C9: variants seen among roughly 807,000 people sequenced by gnomAD.
The protein encoded by C9 is complement C9.
C9 carries 63 observed loss-of-function variants against 65.4 expected under a neutral mutation model. The observed-to-expected ratio is 0.96, with a 90% confidence interval of 0.79 to 1.19. The LOEUF is 1.19. Among genes scored for constraint, C9 ranks in the 50% most tolerant of loss-of-function variants. The pLI is 0.00. For synonymous variants in C9, 229 were observed against 227.9 expected, an observed-to-expected ratio of 1.00 and a Z score of -0.04; for missense variants, 744 against 670.1, an observed-to-expected ratio of 1.11 and a Z score of -1.22.
intron 9 of C9, among the ~76,000 whole-genome samples, chr5:39,291,442 G>C (rs568623045): frequency 5.9e-5 from 9 of 151,908 alleles, no homozygotes; most frequent in Middle Eastern, 3.4e-3. Context: ...GATAGTGTGG[G>C]AAGGGAAAAG....
chr5:39,338,126 C>T (rs1448678091), intron 4 of C9, among the ~76,000 whole-genome samples: 2 of 152,060 alleles, frequency 1.3e-5, no homozygotes, highest in Non-Finnish European at 2.9e-5. Context: ...TGTTTTGAAA[C>T]CTCTTCCTAA....
At chr5:39,295,624 CT>C (rs1753172249) in intron 9 of C9, among the ~76,000 whole-genome samples, 1 of 151,662 alleles carries the variant, frequency 6.6e-6, no homozygotes, top group South Asian at 2.1e-4. Flanking sequence ...TCAGTGCAAT[CT>C]CTATCAAAAT....
chr5:39,309,396 T>G (rs1331783103), intron 7 of C9, among the ~76,000 whole-genome samples: 2 of 151,982 alleles, frequency 1.3e-5, no homozygotes, highest in Non-Finnish European at 2.9e-5. Context: ...GTATCAGGGG[T>G]AGACATCTGG....
chr5:39,320,752 A>C (rs1753652398), intron 5 of C9, among the ~76,000 whole-genome samples: 1 of 152,206 alleles, frequency 6.6e-6, no homozygotes, highest in East Asian at 1.9e-4. Flanking sequence ...CAAAAGTCAT[A>C]CAATAAGGAG....
chr5:39,308,833 G>C (rs986530412), intron 7 of C9, among the ~76,000 whole-genome samples: 2 of 152,062 alleles, frequency 1.3e-5, no homozygotes, highest in Admixed American at 6.6e-5. Flanking sequence ...ACCTACTAAT[G>C]GCTCATTACT....
rs151109298 is a variant in C9, at chr5:39,324,346, G to T, written c.615+7330C>A. On this transcript the variant is annotated intron_variant, in intron 5 of 10. Transcript: ENST00000263408. ...TTTGTATGGAACCACAGAAAATCTC[G>T]AATGGCCAAAGCAATCTTGAGAAAA... Among the ~76,000 whole-genome samples, 876 of 152,122 alleles carry T rather than the reference G, an allele frequency of 5.8e-3. 10 individuals carry two copies. The highest frequency in any genetic ancestry group is 0.02 in the African/African-American group (829 of 41,526).
chr5:39,315,075 G>T (rs263275), intron 6 of C9, among the ~76,000 whole-genome samples: 58,493 of 151,910 alleles, frequency 0.39, 12,584 homozygotes, highest in Non-Finnish European at 0.49. Context: ...GAGAGGTAAT[G>T]TACAGACCCA....
intron 1 of C9, among the ~76,000 whole-genome samples, chr5:39,349,189 A>G (rs1754272389): frequency 6.6e-6 from 1 of 151,758 alleles, no homozygotes; most frequent in Non-Finnish European, 1.5e-5. Context: ...AAAGGAAAAA[A>G]AAAAAACACA....
At chr5:39,292,602 A>G (rs1447228665) in intron 9 of C9, among the ~76,000 whole-genome samples, 1 of 151,916 alleles carries the variant, frequency 6.6e-6, no homozygotes, top group African/African-American at 2.4e-5. Flanking sequence ...TTCTAGTTTT[A>G]ATTGCTCTAA....
At position 39,348,722 on chromosome 5, in the gene C9, G is replaced by A. The variant is rs549615191; in HGVS notation, c.78-6526C>T. ...TGCTGCTATAAAGGCACATGCACAC[G>A]TATGTTTATTGTGGCACTATTCACA... On this transcript the variant is annotated intron_variant, in intron 1 of 10. Coordinates refer to ENST00000263408, the MANE Select transcript of C9 (RefSeq NM_001737.5). 3.0e-4 allele frequency among the ~76,000 whole-genome samples: 45 copies of A among 152,276 alleles called. No individual in the cohort carries two copies. The South Asian group carries it at 3.7e-3, about 13-fold the overall frequency.
At chr5:39,357,703 C>T (rs917789124) in intron 1 of C9, among the ~76,000 whole-genome samples, 3 of 152,140 alleles carry the variant, frequency 2.0e-5, no homozygotes, top group African/African-American at 2.4e-5. Context: ...AGAATCCTCT[C>T]GCAGGTGGTG....
rs476569 is a variant in C9 at position 39,342,206 on chromosome 5, C to T, written c.78-10G>A. On this transcript the variant is annotated splice_polypyrimidine_tract_variant and intron_variant, in intron 1 of 10. Transcript: ENST00000263408. Reference sequence around the variant, plus strand: ...TAGCTCTGGGTCATAACTAAGATAACAGAACATCCCAGTTTATAATGACCA... The same window carrying T: ...TAGCTCTGGGTCATAACTAAGATAATAGAACATCCCAGTTTATAATGACCA... 737,669 of 1,412,842 alleles carry T rather than the reference C, an allele frequency of 0.52. 195,334 individuals are homozygous for T. Among genetic ancestry groups the T allele is most frequent in the African/African-American group, 0.83 (59,028 of 71,482 alleles). 87.5% of individuals were successfully genotyped at this position (1,412,842 alleles called of 1,614,324 possible). A position where few individuals can be genotyped will look rare whatever the true frequency, so the allele number is the denominator to read the frequency against.
In C9 at chr5:39,340,968, C is replaced by G. The variant is rs557155915; in HGVS notation, c.476+178G>C. ...AGGGCAGGCAATTTGTCCAAATTAT[C>G]CTGAGATGCTTATTTAGCACTTCCT... On this transcript the variant is annotated intron_variant, in intron 4 of 10. Transcript: ENST00000263408. The G allele has an allele frequency of 5.2e-5, 37 of 715,670 alleles. No individual in the cohort carries two copies. The East Asian group carries it at 9.7e-4, about 19-fold the overall frequency. 44.3% of individuals were successfully genotyped at this position (715,670 alleles called of 1,614,324 possible).
intron 5 of C9, among the ~76,000 whole-genome samples, chr5:39,329,040 TAAG>T (rs1355229504): frequency 6.6e-6 from 1 of 152,198 alleles, no homozygotes; most frequent in Non-Finnish European, 1.5e-5. Context: ...GACTCAGATT[TAAG>T]AAGAATTATA....
At position 39,364,399 on chromosome 5, in the gene C9, C is replaced by T; in HGVS notation, c.66G>A (p.Gln22=). Residue 22 remains glutamine (Q), a synonymous_variant, in exon 1 of 11, where the codon CAG becomes CAA. Coordinates refer to ENST00000263408, the MANE Select transcript of C9 (RefSeq NM_001737.5). ...AGTAACTGACTCACCTGGTCGTGTA[C>T]TGTGCTGTGAGGATGCTTATTTCTA... ...CILEISILTA[Q]YTTSYDPELT... 3.8e-6 allele frequency: 6 copies of T among 1,590,918 alleles called. No individual in the cohort carries two copies. In the South Asian group the frequency reaches 5.5e-5, roughly 15 times the overall value.
chr5:39,332,847 T>C (rs573032628), intron 4 of C9, among the ~76,000 whole-genome samples: 2 of 152,368 alleles, frequency 1.3e-5, no homozygotes, highest in East Asian at 1.9e-4. Flanking sequence ...AAGGGTTTCC[T>C]ACTGGTAGTG....
intron 5 of C9, among the ~76,000 whole-genome samples, chr5:39,317,497 T>A (rs1000986175): frequency 7.9e-5 from 12 of 152,252 alleles, no homozygotes; most frequent in African/African-American, 2.9e-4. Context: ...AAGTCTTTAG[T>A]CCATCTTGAG....
intron 10 of C9, among the ~76,000 whole-genome samples, chr5:39,287,200 C>T (rs1036725331): frequency 6.6e-6 from 1 of 151,638 alleles, no homozygotes. Context: ...TAATTGAGTC[C>T]TATTTGTCTA....
chr5:39,316,385 G>A (rs1040281755), intron 5 of C9, among the ~76,000 whole-genome samples: 2 of 152,090 alleles, frequency 1.3e-5, no homozygotes, highest in Non-Finnish European at 2.9e-5. Context: ...ACATGTGCAG[G>A]ATGTGCAGGT....
Sources: gnomAD v4.1 joint callset for allele counts (sites outside exome capture counted in the v4.1 genomes callset) on GRCh38, gnomAD v4.1.1 for gene constraint, MANE v1.5 for transcripts, NCBI Gene and HGNC (gene_info 2026-07-23, HGNC 2026-07-21) for gene names.